PCNX1: variants seen among roughly 807,000 people sequenced by gnomAD.
PCNX1 encodes pecanex-like protein 1.
Under a neutral mutation model 242.2 loss-of-function variants are expected in PCNX1, and 78 were observed. The observed-to-expected ratio is 0.32, with a 90% CI of 0.27 to 0.39. The LOEUF (loss-of-function observed/expected upper bound fraction) is 0.39. Among genes scored for constraint, PCNX1 ranks in the 10% least tolerant of loss-of-function variants. The pLI is 1.00. For synonymous variants in PCNX1, 1,024 were observed against 1,032.9 expected (o/e 0.99, Z 0.17); for missense variants, 2,581 against 2,856.5 (o/e 0.90, Z 2.20).
chr14:70,927,650 T>G (rs1232159076), intron 1 of PCNX1, among the ~76,000 whole-genome samples: 1 of 151,936 alleles, frequency 6.6e-6, no homozygotes, highest in Non-Finnish European at 1.5e-5. Flanking sequence ...AGTGCAGTGG[T>G]GCGATCTTGG....
chr14:71,084,542 G>A (rs1229143492), intron 28 of PCNX1, among the ~76,000 whole-genome samples: 1 of 150,768 alleles, frequency 6.6e-6, no homozygotes, highest in Admixed American at 6.6e-5. Flanking sequence ...GAGATGCCCT[G>A]CCCAGAGAGG....
intron 1 of PCNX1, among the ~76,000 whole-genome samples, chr14:70,946,641 A>G (rs2057467473): frequency 6.6e-6 from 1 of 152,172 alleles, no homozygotes; most frequent in Non-Finnish European, 1.5e-5. Context: ...AAATTGAGAT[A>G]TTTTACATTT....
At chr14:71,097,259 G>A (rs772456740) in intron 30 of PCNX1, among the ~76,000 whole-genome samples, 4 of 152,106 alleles carry the variant, frequency 2.6e-5, no homozygotes, top group African/African-American at 7.2e-5. Context: ...ATTGTTGATA[G>A]TGTTGCAATG....
rs1449898345 is a variant in PCNX1 at position 71,114,327 on chromosome 14, C to T, written c.*4392C>T. On this transcript the variant is annotated 3_prime_UTR_variant, in exon 36 of 36. Transcript: ENST00000304743. ...ATGCACCCAGGCCGTCTTATTTTTA[C>T]TTGTTAAATGTCTGTCTAGGAAGAA... The T allele has an allele frequency of 1.3e-5, 2 of 151,992 alleles. No individual in the cohort carries two copies. The highest frequency in any genetic ancestry group is 2.9e-5 in the Non-Finnish European group (2 of 67,972). 9.4% of individuals were successfully genotyped at this position (151,992 alleles called of 1,614,324 possible).
intron 16 of PCNX1, among the ~76,000 whole-genome samples, chr14:71,030,335 T>G (rs921233727): frequency 3.9e-5 from 6 of 152,156 alleles, no homozygotes; most frequent in Non-Finnish European, 8.8e-5. Context: ...TTGACTTCCT[T>G]TCTTTCTTTT....
chr14:70,962,473 TTAA>T (rs1435740419), intron 3 of PCNX1, 142 bp downstream of exon 3: 1 of 558,078 alleles, frequency 1.8e-6, no homozygotes, highest in African/African-American at 1.9e-5. Context: ...ACATCTTTTA[TTAA>T]TATTCTTTTT....
chr14:71,004,328 TGCG>T (rs2059592616), intron 8 of PCNX1, among the ~76,000 whole-genome samples: 1 of 152,260 alleles, frequency 6.6e-6, no homozygotes, highest in Non-Finnish European at 1.5e-5. Context: ...GGCATGGATC[TGCG>T]GCCTGTTAGG....
At chr14:71,019,827 G>T (rs2060052018) in intron 12 of PCNX1, among the ~76,000 whole-genome samples, 1 of 151,524 alleles carries the variant, frequency 6.6e-6, no homozygotes, top group Non-Finnish European at 1.5e-5. Context: ...TATTACATAG[G>T]TATACACATG....
intron 14 of PCNX1, 22 bp downstream of exon 14, chr14:71,026,310 C>G: frequency 7.1e-7 from 1 of 1,416,260 alleles, no homozygotes; most frequent in Non-Finnish European, 9.6e-7. Context: ...TAAAGTATCT[C>G]TAATCTTAAA....
At chr14:71,015,146 A>C (rs1370105046) in intron 11 of PCNX1, among the ~76,000 whole-genome samples, 1 of 152,230 alleles carries the variant, frequency 6.6e-6, no homozygotes, top group Non-Finnish European at 1.5e-5. Flanking sequence ...TCTTCAGATC[A>C]GAAAAAAATG....
At chr14:71,039,928 C>T (rs2060656780) in intron 19 of PCNX1, among the ~76,000 whole-genome samples, 1 of 152,104 alleles carries the variant, frequency 6.6e-6, no homozygotes, top group South Asian at 2.1e-4. Flanking sequence ...TGTGGGTATC[C>T]ATGTTTCCAT....
intron 2 of PCNX1, among the ~76,000 whole-genome samples, chr14:70,953,126 A>T (rs1171548757): frequency 6.6e-6 from 1 of 152,084 alleles, no homozygotes; most frequent in Non-Finnish European, 1.5e-5. Context: ...AATAAAAAAA[A>T]ATTTTAGCTA....
intron 16 of PCNX1, chr14:71,031,820 G>A (rs1270596040): frequency 1.0e-5 from 15 of 1,488,834 alleles, no homozygotes; most frequent in Middle Eastern, 3.4e-4. Context: ...GCAGCGAGGA[G>A]AGGGATGGTG....
chr14:71,042,264 G>A (rs1027240535), intron 19 of PCNX1, among the ~76,000 whole-genome samples: 1 of 152,096 alleles, frequency 6.6e-6, no homozygotes, highest in Admixed American at 6.6e-5. Context: ...TGTTGAAATC[G>A]AGGTGTTGAT....
At chr14:71,068,616 G>A (rs2061514285) in intron 26 of PCNX1, among the ~76,000 whole-genome samples, 1 of 144,958 alleles carries the variant, frequency 6.9e-6, no homozygotes, top group Non-Finnish European at 1.5e-5. Context: ...GTGTGTGTGT[G>A]TGTGTGTATA....
rs538146251 is a variant in PCNX1 at position 71,014,765 on chromosome 14, CAAGGAGACAAAAGATTTTGAAGAAAT to C, written c.2996+1593_2996+1618del. Among the ~76,000 whole-genome samples, 39 of 152,072 alleles carry C rather than the reference CAAGGAGACAAAAGATTTTGAAGAAAT, an allele frequency of 2.6e-4. No homozygotes were observed. In the East Asian group the frequency reaches 3.1e-3, roughly 12 times the overall value. On this transcript the variant is annotated intron_variant, in intron 11 of 35. Coordinates refer to ENST00000304743, the MANE Select transcript of PCNX1 (RefSeq NM_014982.3). ...GCTGTGGGACAACTACAAGAGGAAACAAGGAGACAAAAGATTTTGAAGAAATAAGGAGACAAAAGATTTTGAAGAAA... is the reference window on the plus strand; with the variant it reads ...GCTGTGGGACAACTACAAGAGGAAACAAGGAGACAAAAGATTTTGAAGAAA...
chr14:71,017,429 G>C (rs1261295986), intron 11 of PCNX1, among the ~76,000 whole-genome samples: 1 of 152,110 alleles, frequency 6.6e-6, no homozygotes, highest in Non-Finnish European at 1.5e-5. Context: ...AGGCCAGCCT[G>C]GGCAACATAG....
chr14:70,934,750 G>C (rs1043684286), intron 1 of PCNX1, among the ~76,000 whole-genome samples: 7 of 152,224 alleles, frequency 4.6e-5, no homozygotes, highest in African/African-American at 1.4e-4. Flanking sequence ...ACACAAAGTA[G>C]GTGGTGGTTG....
chr14:70,989,205 AATC>A (rs1335446329), intron 7 of PCNX1, among the ~76,000 whole-genome samples: 6 of 152,034 alleles, frequency 3.9e-5, no homozygotes, highest in Non-Finnish European at 8.8e-5. Flanking sequence ...TGCCTTTTAT[AATC>A]ATCAGGATCT....
Sources: allele counts gnomAD v4.1 joint callset (sites outside exome capture counted in the v4.1 genomes callset), GRCh38; gene constraint gnomAD v4.1.1; transcripts MANE v1.5; gene names NCBI Gene and HGNC (gene_info 2026-07-23, HGNC 2026-07-21).